Variants in ADARB2 observed in about 807,000 individuals in gnomAD.
The protein encoded by ADARB2 is inactive double-stranded RNA-specific editase B2.
Under a neutral mutation model 62.2 loss-of-function variants are expected in ADARB2, and 25 were observed. That is an observed-to-expected ratio of 0.40 (90% CI 0.29 to 0.56). The LOEUF (loss-of-function observed/expected upper bound fraction) is 0.56. Ranked by LOEUF, ADARB2 falls within the 20% of genes least tolerant of loss-of-function variation. The probability of loss-of-function intolerance (pLI) is 0.43; values close to 1 mark genes in which losing one functional copy is unlikely to be tolerated. For missense variants in ADARB2, 1,071 were observed against 1,077.4 expected, an observed-to-expected ratio of 0.99 and a Z score of 0.08; for synonymous variants, 572 against 500.8, an observed-to-expected ratio of 1.14 and a Z score of -1.90.
chr10:1,208,401 C>T (rs1015241156), intron 7 of ADARB2, among the ~76,000 whole-genome samples: 3 of 152,192 alleles, frequency 2.0e-5, no homozygotes, highest in African/African-American at 7.2e-5. Context: ...GTCCTCCAAG[C>T]ACCCACTGGC....
chr10:1,372,993 A>C (rs1053911213), intron 2 of ADARB2, among the ~76,000 whole-genome samples: 1 of 152,206 alleles, frequency 6.6e-6, no homozygotes, highest in Non-Finnish European at 1.5e-5. Context: ...AAATTGAGAC[A>C]CAAACAAATG....
At chr10:1,722,685 C>T (rs553270752) in intron 1 of ADARB2, among the ~76,000 whole-genome samples, 3 of 152,270 alleles carry the variant, frequency 2.0e-5, no homozygotes, top group Admixed American at 6.5e-5. Context: ...AATTCCCTCA[C>T]CCCTCGTCTT....
intron 3 of ADARB2, among the ~76,000 whole-genome samples, chr10:1,280,916 A>G (rs2131805036): frequency 1.3e-5 from 2 of 152,320 alleles, no homozygotes; most frequent in Non-Finnish European, 2.9e-5. Context: ...GCCAGGGTGA[A>G]GGAATTAGCT....
At chr10:1,429,880 C>T (rs1830762570) in intron 1 of ADARB2, among the ~76,000 whole-genome samples, 1 of 152,120 alleles carries the variant, frequency 6.6e-6, no homozygotes. Context: ...TCTTACTCCT[C>T]TCTCCTCCCC....
At chr10:1,201,173 A>G (rs1347435563) in intron 7 of ADARB2, among the ~76,000 whole-genome samples, 3 of 152,274 alleles carry the variant, frequency 2.0e-5, no homozygotes, top group Non-Finnish European at 2.9e-5. Context: ...AAGCATCTCC[A>G]TGAATGAGAA....
At position 1,710,884 on chromosome 10, in the gene ADARB2, C is replaced by T. The variant is rs893538059; in HGVS notation, c.100+26167G>A. Among the ~76,000 whole-genome samples the T allele has an allele frequency of 3.3e-5, 5 of 152,274 alleles. No individual in the cohort carries two copies. In the East Asian group the frequency reaches 7.7e-4, roughly 24 times the overall value. ...TGTGAGGAGGAGGACAGCTTTGATA[C>T]CTCCACAGATGCTTCCCAGGCCTGT... On this transcript the variant is annotated intron_variant, in intron 1 of 9. Transcript: ENST00000381312.
intron 1 of ADARB2, among the ~76,000 whole-genome samples, chr10:1,395,945 C>T (rs1003708292): frequency 5.9e-5 from 9 of 152,194 alleles, no homozygotes; most frequent in African/African-American, 2.2e-4. Flanking sequence ...CATCGTGAAC[C>T]CTCCTAGCAG....
intron 1 of ADARB2, among the ~76,000 whole-genome samples, chr10:1,545,038 G>C (rs1317013588): frequency 2.0e-5 from 3 of 150,622 alleles, no homozygotes; most frequent in African/African-American, 7.3e-5. Flanking sequence ...GGTAGGCTTG[G>C]TGAACTGACT....
rs975868885 is a variant in ADARB2, at chr10:1,446,932, T to C, written c.101-67772A>G. On this transcript the variant is annotated intron_variant, in intron 1 of 9. Coordinates refer to ENST00000381312, the MANE Select transcript of ADARB2 (RefSeq NM_018702.4). ...ACGCAATTGTCAAGGGTTTATTTCA[T>C]TCTTCTTAATTGAATTATAGCGCTT... 1.6e-4 allele frequency among the ~76,000 whole-genome samples: 25 copies of C among 152,344 alleles called. 1 individual carries two copies. The Middle Eastern group carries it at 0.014, about 83-fold the overall frequency.
chr10:1,586,240 C>T (rs1833179255), intron 1 of ADARB2, among the ~76,000 whole-genome samples: 1 of 152,184 alleles, frequency 6.6e-6, no homozygotes, highest in African/African-American at 2.4e-5. Context: ...TAACAACAAA[C>T]AGCCACAAAA....
intron 1 of ADARB2, among the ~76,000 whole-genome samples, chr10:1,492,190 T>C (rs1287439607): frequency 1.3e-5 from 2 of 151,920 alleles, no homozygotes; most frequent in Non-Finnish European, 2.9e-5. Flanking sequence ...TAAAACTAAG[T>C]AATGGGATGA....
At chr10:1,382,329 C>T (rs949948125) in intron 1 of ADARB2, among the ~76,000 whole-genome samples, 1 of 152,192 alleles carries the variant, frequency 6.6e-6, no homozygotes, top group Admixed American at 6.5e-5. Context: ...AGCAGAATTG[C>T]TAACACTTAT....
intron 1 of ADARB2, among the ~76,000 whole-genome samples, chr10:1,682,726 G>A (rs532367185): frequency 3.3e-5 from 5 of 152,330 alleles, no homozygotes; most frequent in East Asian, 3.9e-4. Flanking sequence ...GTGGCCAGGC[G>A]TGTCCTGGGA....
chr10:1,392,083 T>A (rs1832575823), intron 1 of ADARB2, among the ~76,000 whole-genome samples: 1 of 152,198 alleles, frequency 6.6e-6, no homozygotes, highest in Admixed American at 6.5e-5. Flanking sequence ...GATCTAATAC[T>A]CTACCTCCTA....
intron 1 of ADARB2, among the ~76,000 whole-genome samples, chr10:1,531,306 C>T (rs1832234957): frequency 1.3e-5 from 2 of 152,222 alleles, no homozygotes; most frequent in Non-Finnish European, 2.9e-5. Flanking sequence ...AGTGTGCAGG[C>T]TGCTGCATGC....
chr10:1,491,295 C>T (rs1831618479), intron 1 of ADARB2, among the ~76,000 whole-genome samples: 1 of 152,116 alleles, frequency 6.6e-6, no homozygotes. Flanking sequence ...GTCTGGAACT[C>T]CTGGGCTCAA....
chr10:1,294,510 G>A (rs775815970), intron 3 of ADARB2, among the ~76,000 whole-genome samples: 26 of 152,108 alleles, frequency 1.7e-4, no homozygotes, highest in African/African-American at 3.4e-4. Context: ...ACTGATTCTC[G>A]AAGAAGGCAG....
intron 1 of ADARB2, among the ~76,000 whole-genome samples, chr10:1,503,373 A>G (rs1831791452): frequency 6.9e-6 from 1 of 144,610 alleles, no homozygotes; most frequent in African/African-American, 2.6e-5. Context: ...TTTTTTAGAG[A>G]TGGGGTTTTG....
intron 1 of ADARB2, among the ~76,000 whole-genome samples, chr10:1,517,228 A>G (rs762200106): frequency 6.6e-6 from 1 of 152,154 alleles, no homozygotes; most frequent in Non-Finnish European, 1.5e-5. Context: ...ATGTGCTTAA[A>G]TGGTGAATTG....
Sources: allele counts gnomAD v4.1 joint callset (sites outside exome capture counted in the v4.1 genomes callset), GRCh38; gene constraint gnomAD v4.1.1; transcripts MANE v1.5; gene names NCBI Gene and HGNC (gene_info 2026-07-23, HGNC 2026-07-21).